RBBP8: variants seen among roughly 807,000 people sequenced by gnomAD.
RBBP8 encodes the protein RB binding protein 8, endonuclease, also known as DNA endonuclease RBBP8.
RBBP8 carries 88 observed loss-of-function variants against 108.3 expected under a neutral mutation model. The observed-to-expected ratio is 0.81, with a 90% CI of 0.68 to 0.97. The LOEUF is 0.97. RBBP8 is among the 50% of genes least tolerant of loss of function. The pLI is 0.00. For missense variants in RBBP8, 1,023 were observed against 1,049.0 expected, an observed-to-expected ratio of 0.98 and a Z score of 0.34; for synonymous variants, 332 against 348.2, an observed-to-expected ratio of 0.95 and a Z score of 0.52.
rs2046451977 is a variant in RBBP8 at position 23,026,378 on chromosome 18, T to C, written c.*138T>C. The C allele has an allele frequency of 7.0e-6, 6 of 853,168 alleles. No homozygotes were observed. Among genetic ancestry groups the C allele is most frequent in the Non-Finnish European group, 1.1e-5 (6 of 534,534 alleles). The allele number at this position is 853,168 out of a possible 1,614,324, so 52.8% of individuals were successfully genotyped here. A position where few individuals can be genotyped will look rare whatever the true frequency, so the allele number is the denominator to read the frequency against. ...ATCAGTTTTCTATTGAAAATGTTTG[T>C]GATATTTTGCTTTTGCACCTTTAAA... On this transcript the variant is annotated 3_prime_UTR_variant, in exon 19 of 19. Transcript: ENST00000327155.
At chr18:22,966,466 C>T (rs775331559) in intron 4 of RBBP8, among the ~76,000 whole-genome samples, 16 of 151,496 alleles carry the variant, frequency 1.1e-4, no homozygotes, top group East Asian at 3.9e-4. Context: ...TGGCCAGGCA[C>T]GGTAACTCAT....
chr18:22,915,514 G>A (rs972626247), intron 2 of RBBP8: 4 of 152,126 alleles, frequency 2.6e-5, no homozygotes, highest in Non-Finnish European at 5.9e-5. Context: ...ATGTAATGTT[G>A]TATCTGCAAA....
chr18:22,953,625 A>G (rs747375332), intron 4 of RBBP8, among the ~76,000 whole-genome samples: 1 of 152,104 alleles, frequency 6.6e-6, no homozygotes, highest in Non-Finnish European at 1.5e-5. Flanking sequence ...GCAGTCTTGT[A>G]CTTCCTTTTT....
upstream of RBBP8, chr18:22,933,318 T>C (rs1400992160): frequency 6.6e-6 from 1 of 152,218 alleles, no homozygotes; most frequent in East Asian, 1.9e-4. Flanking sequence ...GTGACGCAAG[T>C]GGAACTCCCG....
chr18:23,022,322 C>T (rs1326214259), intron 18 of RBBP8, 52 bp downstream of exon 18: 28 of 1,531,636 alleles, frequency 1.8e-5, no homozygotes, highest in African/African-American at 2.8e-5. Context: ...AATACTTGGC[C>T]GGGCACAGTG....
intron 18 of RBBP8, chr18:23,024,737 T>G (rs1335773525): frequency 6.6e-6 from 1 of 152,236 alleles, no homozygotes; most frequent in Non-Finnish European, 1.5e-5. Flanking sequence ...AAACAAGATA[T>G]GTTTTCTGGT....
At chr18:22,997,114 A>G (rs144351785) in intron 13 of RBBP8, among the ~76,000 whole-genome samples, 8 of 152,334 alleles carry the variant, frequency 5.3e-5, no homozygotes, top group Non-Finnish European at 8.8e-5. Context: ...TCATTTTCCA[A>G]GTTGACTATT....
chr18:22,954,913 G>T (rs1054548455), intron 4 of RBBP8, among the ~76,000 whole-genome samples: 1 of 152,128 alleles, frequency 6.6e-6, no homozygotes, highest in African/African-American at 2.4e-5. Context: ...AGCGTTAACT[G>T]CCCCCATGAT....
chr18:22,955,449 C>T (rs1912434655), intron 4 of RBBP8, among the ~76,000 whole-genome samples: 1 of 152,120 alleles, frequency 6.6e-6, no homozygotes, highest in Non-Finnish European at 1.5e-5. Context: ...ACTTAGGCAT[C>T]CAGCGCTAAA....
intron 4 of RBBP8, among the ~76,000 whole-genome samples, chr18:22,966,582 A>AG (rs1385843069): frequency 5.3e-5 from 2 of 37,932 alleles, no homozygotes; most frequent in African/African-American, 7.4e-5. Context: ...CATTAAAAAA[A>AG]AAAAAAAAAA....
intron 10 of RBBP8, among the ~76,000 whole-genome samples, chr18:22,992,322 A>C (rs1915755907): frequency 6.6e-6 from 1 of 152,136 alleles, no homozygotes; most frequent in Non-Finnish European, 1.5e-5. Context: ...TAGCCACCAG[A>C]GTAGCTGGGA....
At chr18:23,009,876 C>T (rs1598740649) in intron 16 of RBBP8, among the ~76,000 whole-genome samples, 2 of 152,214 alleles carry the variant, frequency 1.3e-5, no homozygotes, top group East Asian at 3.8e-4. Context: ...ATTCTCCTGC[C>T]TCAGCCTCCC....
intron 5 of RBBP8, among the ~76,000 whole-genome samples, chr18:22,969,391 C>T (rs749212901): frequency 2.0e-4 from 30 of 151,868 alleles, no homozygotes; most frequent in Non-Finnish European, 3.2e-4. Flanking sequence ...CATTCTTAGC[C>T]GCCTTCTTTT....
intron 14 of RBBP8, among the ~76,000 whole-genome samples, chr18:23,000,559 C>T (rs182679175): frequency 2.5e-4 from 38 of 151,968 alleles, no homozygotes; most frequent in Admixed American, 2.3e-3. Flanking sequence ...CTGGCCAACA[C>T]GGTGAAACCC....
chr18:23,006,270 G>A (rs1032040700), intron 15 of RBBP8, 93 bp from the exon 16 acceptor site: 4 of 1,092,856 alleles, frequency 3.7e-6, no homozygotes, highest in Non-Finnish European at 5.5e-6. Context: ...AATAAAAATG[G>A]AAGTTTGAGT....
rs1476649694 is a variant in RBBP8, at chr18:22,938,280, C to T, written c.109+1320C>T. Reference sequence around the variant, plus strand: ...CCAAGTAGTTGGGACTACAGGCGCACGCACCATGCCCAGCTAGTTTGTTTT... The same window carrying T: ...CCAAGTAGTTGGGACTACAGGCGCATGCACCATGCCCAGCTAGTTTGTTTT... On this transcript the variant is annotated intron_variant, in intron 2 of 18. Transcript: ENST00000327155. Among the ~76,000 whole-genome samples, 8 of 152,114 alleles carry T rather than the reference C, an allele frequency of 5.3e-5. No individual in the cohort carries two copies. In the South Asian group the frequency reaches 6.2e-4, roughly 12 times the overall value.
chr18:22,928,784 C>T (rs936150015), upstream of RBBP8, among the ~76,000 whole-genome samples: 1 of 152,028 alleles, frequency 6.6e-6, no homozygotes, highest in African/African-American at 2.4e-5. Context: ...ATTCACCTCC[C>T]TCAGCCTCCC....
chr18:22,996,288 C>A (rs191859155), intron 12 of RBBP8, 86 bp from the exon 13 acceptor site: 3 of 1,554,828 alleles, frequency 1.9e-6, no homozygotes, highest in Admixed American at 1.9e-5. Flanking sequence ...CAAAAATTTT[C>A]TATTCTTTAG....
intron 10 of RBBP8, among the ~76,000 whole-genome samples, chr18:22,991,819 AT>A (rs1915722499): frequency 6.6e-6 from 1 of 152,102 alleles, no homozygotes; most frequent in Non-Finnish European, 1.5e-5. Flanking sequence ...TTTATATAGC[AT>A]TTTGCTTTTT....
Sources: allele counts gnomAD v4.1 joint callset (sites outside exome capture counted in the v4.1 genomes callset), GRCh38; gene constraint gnomAD v4.1.1; transcripts MANE v1.5; gene names NCBI Gene and HGNC (gene_info 2026-07-23, HGNC 2026-07-21).